The following DSCAML1 variants were observed in gnomAD, a reference collection of about 807,000 sequenced individuals.
The protein encoded by DSCAML1 is cell adhesion molecule DSCAML1.
A neutral mutation model predicts 200.5 loss-of-function variants in DSCAML1; 38 were observed. The observed-to-expected ratio is 0.19, with a 90% CI of 0.15 to 0.25. DSCAML1 has a LOEUF of 0.25. Among genes scored for constraint, DSCAML1 ranks in the 10% least tolerant of loss-of-function variants. DSCAML1 has a pLI of 1.00. For synonymous variants in DSCAML1, 1,215 were observed against 1,165.0 expected, an observed-to-expected ratio of 1.04 and a Z score of -0.87; for missense variants, 2,223 against 2,858.8, an observed-to-expected ratio of 0.78 and a Z score of 5.07.
intron 17 of DSCAML1, among the ~76,000 whole-genome samples, chr11:117,464,365 ATATTC>A (rs1438016431): frequency 3.9e-5 from 6 of 152,128 alleles, no homozygotes; most frequent in African/African-American, 1.4e-4. Context: ...GAGTGCAGGC[ATATTC>A]CTGCTTCCTC....
intron 3 of DSCAML1, among the ~76,000 whole-genome samples, chr11:117,748,083 G>A (rs1370883574): frequency 6.6e-6 from 1 of 152,170 alleles, no homozygotes. Context: ...GTGGCCTTGG[G>A]CTAATTACTT....
rs545394235 is a variant in DSCAML1 at position 117,796,978 on chromosome 11, G to T, written c.46+56C>A. 2.7e-4 allele frequency: 334 copies of T among 1,238,410 alleles called. No individual in the cohort carries two copies. In the African/African-American group the frequency reaches 5.0e-3, roughly 19 times the overall value. 76.7% of individuals were successfully genotyped at this position (1,238,410 alleles called of 1,614,324 possible). On this transcript the variant is annotated intron_variant, in intron 1 of 32. Transcript: ENST00000651296. Reference sequence around the variant, plus strand: ...CGCCGGGCACCCCGCCTCGCCGCCAGCCGCGCCACCCTGGCCCCGCCGCCT... The same window carrying T: ...CGCCGGGCACCCCGCCTCGCCGCCATCCGCGCCACCCTGGCCCCGCCGCCT...
chr11:117,540,695 A>G (rs11216444), intron 3 of DSCAML1, among the ~76,000 whole-genome samples: 42,585 of 147,280 alleles, frequency 0.29, 6,726 homozygotes, highest in African/African-American at 0.41. Flanking sequence ...CTGTCGGGGG[A>G]TGAGGGGCTG....
intron 3 of DSCAML1, among the ~76,000 whole-genome samples, chr11:117,540,801 C>T (rs1475105288): frequency 1.3e-5 from 2 of 152,056 alleles, no homozygotes; most frequent in Non-Finnish European, 2.9e-5. Flanking sequence ...TGTAACAAAC[C>T]TGCATGTTGT....
At chr11:117,598,262 G>C (rs969971779) in intron 3 of DSCAML1, among the ~76,000 whole-genome samples, 3 of 152,160 alleles carry the variant, frequency 2.0e-5, no homozygotes. Context: ...TTGTTATAAT[G>C]AATTTGTACA....
At chr11:117,434,605 C>T (rs2047872631) in intron 27 of DSCAML1, among the ~76,000 whole-genome samples, 1 of 152,120 alleles carries the variant, frequency 6.6e-6, no homozygotes, top group South Asian at 2.1e-4. Context: ...ATCAATTTAT[C>T]CATCCATCCA....
intron 3 of DSCAML1, among the ~76,000 whole-genome samples, chr11:117,764,706 C>T (rs2054861000): frequency 6.6e-6 from 1 of 152,226 alleles, no homozygotes; most frequent in Non-Finnish European, 1.5e-5. Flanking sequence ...CCCTGGGGTA[C>T]AACCATGCTC....
intron 1 of DSCAML1, among the ~76,000 whole-genome samples, chr11:117,809,934 CAT>C: frequency 6.8e-6 from 1 of 147,666 alleles, no homozygotes; most frequent in Non-Finnish European, 1.5e-5. Flanking sequence ...CACACACACG[CAT>C]ATTCACATAC....
chr11:117,811,527 C>T (rs1414094807), intron 1 of DSCAML1, among the ~76,000 whole-genome samples: 2 of 152,224 alleles, frequency 1.3e-5, no homozygotes, highest in Non-Finnish European at 2.9e-5. Context: ...GGCGTTCCTC[C>T]AGAACCTCCT....
chr11:117,767,640 T>C (rs2054923007), intron 3 of DSCAML1, among the ~76,000 whole-genome samples: 1 of 152,218 alleles, frequency 6.6e-6, no homozygotes, highest in Admixed American at 6.5e-5. Flanking sequence ...AGCTGCCTTT[T>C]CCACTCTCTG....
intron 3 of DSCAML1, among the ~76,000 whole-genome samples, chr11:117,577,575 C>CTT (rs1158315772): frequency 1.7e-5 from 2 of 118,144 alleles, no homozygotes; most frequent in African/African-American, 6.3e-5. Context: ...TCTTTCCTTT[C>CTT]TTTTTTTTTT....
At position 117,504,065 on chromosome 11, in the gene DSCAML1, C is replaced by CATA; in HGVS notation, c.2183-47_2183-45dup. ...TAGGAGGGCTGAGTCTGCACTGGGGCATAAGCTGAGAGTGCCCCAGGAGTG... is the reference window on the plus strand; with the variant it reads ...TAGGAGGGCTGAGTCTGCACTGGGGCATAATAAGCTGAGAGTGCCCCAGGAGTG... On this transcript the variant is annotated intron_variant, in intron 10 of 32. Transcript: ENST00000651296. The surrounding 1 kb of genome is among the most constrained non-coding windows in gnomAD (Gnocchi z 5.0). 6.2e-7 allele frequency: 1 copy of CATA among 1,601,516 alleles called. No homozygotes were observed. Among genetic ancestry groups the CATA allele is most frequent in the Non-Finnish European group, 8.5e-7 (1 of 1,173,048 alleles).
At chr11:117,570,047 G>A (rs1035741732) in intron 3 of DSCAML1, among the ~76,000 whole-genome samples, 1 of 152,188 alleles carries the variant, frequency 6.6e-6, no homozygotes, top group Non-Finnish European at 1.5e-5. Context: ...AGGCAAAGAA[G>A]GCACGGGAGC....
chr11:117,674,385 T>C (rs1056496270), intron 3 of DSCAML1, among the ~76,000 whole-genome samples: 4 of 152,118 alleles, frequency 2.6e-5, no homozygotes, highest in Non-Finnish European at 5.9e-5. Flanking sequence ...GCTGAAGCAG[T>C]ACCCACGTTC....
At position 117,463,706 on chromosome 11, in the gene DSCAML1, C is replaced by G. The variant is rs1357054121; in HGVS notation, c.3265+1236G>C. ...CTGAGGGCTTGGTTGTGGTGCGGCT[C>G]TCCTCCCTCCCCCTGGACTTCTCTG... On this transcript the variant is annotated intron_variant, in intron 17 of 32. Coordinates refer to ENST00000651296, the MANE Select transcript of DSCAML1 (RefSeq NM_020693.4). This position sits in a 1 kb window ranked among gnomAD's most constrained non-coding sequence, Gnocchi z 4.0. Among the ~76,000 whole-genome samples the G allele has an allele frequency of 6.6e-6, 1 of 152,140 alleles. No individual in the cohort carries two copies. The highest frequency in any genetic ancestry group is 1.5e-5 in the Non-Finnish European group (1 of 68,020).
At chr11:117,808,215 G>A (rs1390737913) in intron 1 of DSCAML1, among the ~76,000 whole-genome samples, 1 of 152,218 alleles carries the variant, frequency 6.6e-6, no homozygotes, top group Non-Finnish European at 1.5e-5. Flanking sequence ...TTCAGAAAGA[G>A]AGTGACTTGC....
At chr11:117,512,643 T>TGTACACACACACACACACACAC (rs1555179270) in intron 8 of DSCAML1, among the ~76,000 whole-genome samples, 1 of 125,140 alleles carries the variant, frequency 8.0e-6, no homozygotes, top group African/African-American at 3.1e-5. Flanking sequence ...CAAGCGTGTG[T>TGTACACACACACACACACACAC]ACACACACAC....
chr11:117,770,768 G>A (rs1232260237), intron 3 of DSCAML1, among the ~76,000 whole-genome samples: 1 of 152,178 alleles, frequency 6.6e-6, no homozygotes, highest in Non-Finnish European at 1.5e-5. Flanking sequence ...CTTGGAGTGG[G>A]TTAATCTGGG....
intron 3 of DSCAML1, among the ~76,000 whole-genome samples, chr11:117,647,467 C>T (rs1038954130): frequency 2.0e-5 from 3 of 152,178 alleles, no homozygotes; most frequent in African/African-American, 7.2e-5. Context: ...GCGTATTTCT[C>T]AGAGTCAGAG....
Sources: allele counts gnomAD v4.1 joint callset (sites outside exome capture counted in the v4.1 genomes callset), GRCh38; gene constraint gnomAD v4.1.1; non-coding constraint Gnocchi (gnomAD v3.1); transcripts MANE v1.5; gene names NCBI Gene and HGNC (gene_info 2026-07-23, HGNC 2026-07-21).